The following MYH14 variants were observed in gnomAD, a reference collection of about 807,000 sequenced individuals.
MYH14 encodes myosin heavy chain 14, also known as myosin-14.
A neutral mutation model predicts 255.5 loss-of-function variants in MYH14; 123 were observed. The ratio of observed to expected loss-of-function variants is 0.48; its 90% CI spans 0.42 to 0.56. MYH14 has a LOEUF of 0.56. Ranked by LOEUF, MYH14 falls within the 20% of genes least tolerant of loss-of-function variation. MYH14 has a pLI of 0.00. For missense variants in MYH14, 2,423 were observed against 2,802.3 expected, an observed-to-expected ratio of 0.86 and a Z score of 3.06; for synonymous variants, 1,095 against 1,161.2, an observed-to-expected ratio of 0.94 and a Z score of 1.16.
chr19:50,216,712 C>T (rs2032491677), intron 2 of MYH14, among the ~76,000 whole-genome samples: 1 of 151,580 alleles, frequency 6.6e-6, no homozygotes, highest in Admixed American at 6.6e-5. Flanking sequence ...TCGGTTATTG[C>T]AGATACCACA....
chr19:50,248,212 G>A (rs531465757), intron 12 of MYH14, among the ~76,000 whole-genome samples: 44 of 152,256 alleles, frequency 2.9e-4, no homozygotes, highest in African/African-American at 9.4e-4. Context: ...CAGTAAGGAG[G>A]TGAGTTTTAT....
At chr19:50,226,757 C>G (rs2033126186) in intron 7 of MYH14, 146 bp from the exon 8 acceptor site, 1 of 740,964 alleles carries the variant, frequency 1.3e-6, no homozygotes, top group Non-Finnish European at 2.3e-6. Context: ...GGACTCACCA[C>G]AGGATGGGGT....
rs371750730 is a variant in MYH14, at chr19:50,272,587, G to T, written c.3323G>T (p.Arg1108Leu). The T allele has an allele frequency of 2.5e-6, 4 of 1,579,072 alleles. No individual in the cohort carries two copies. The highest frequency in any genetic ancestry group is 1.2e-5 in the South Asian group (1 of 85,920). Residue 1108 changes from arginine to leucine, a missense_variant, in exon 27 of 43, where the codon CGC (arginine) becomes CTC (leucine). This residue lies in a region of MYH14 where 1,513 missense variants were observed against 1,674.8 expected (regional missense o/e 0.90). Transcript: ENST00000642316. ...EDRLRKEEKG[R>L]QELEKLKRRL... Reference sequence around the variant, plus strand: ...CGCCTACGGAAGGAGGAGAAGGGTCGCCAGGAGCTGGAGAAGCTGAAGCGG... The same window carrying T: ...CGCCTACGGAAGGAGGAGAAGGGTCTCCAGGAGCTGGAGAAGCTGAAGCGG...
chr19:50,260,804 T>G (rs2034808525), intron 20 of MYH14, 89 bp downstream of exon 20: 1 of 985,672 alleles, frequency 1.0e-6, no homozygotes, highest in African/African-American at 1.7e-5. Context: ...TGCATATGTG[T>G]GCATGCGTGT....
rs1018204608 is a variant in MYH14, at chr19:50,309,738, G to A, written c.6059G>A (p.Gly2020Glu). The A allele has an allele frequency of 6.9e-6, 11 of 1,596,736 alleles. No individual in the cohort carries two copies. Among genetic ancestry groups the A allele is most frequent in the Non-Finnish European group, 8.5e-6 (10 of 1,172,158 alleles). ...GAGGAGGCAGAGGAAGCACAGCCTG[G>A]GTCTGGGCCATCCCCGGAGCCTGAG... ...SDEEAEEAQP[G>E]SGPSPEPEGS... The change falls in exon 43 of 43, where the codon GGG (glycine) becomes GAG (glutamate). Residue 2020 changes from glycine (G) to glutamate (E), a missense_variant. By Grantham distance (98) the Gly-to-Glu change is moderately conservative (BLOSUM62 -2). This residue lies in a region of MYH14 where 1,513 missense variants were observed against 1,674.8 expected (regional missense o/e 0.90). Coordinates refer to ENST00000642316, the MANE Select transcript of MYH14 (RefSeq NM_001145809.2).
intron 1 of MYH14, among the ~76,000 whole-genome samples, chr19:50,208,651 C>T (rs2031978028): frequency 6.6e-6 from 1 of 152,092 alleles, no homozygotes. Context: ...GTAACATTTT[C>T]TAGTAGCCAC....
At chr19:50,215,269 C>CGG (rs1478876800) in intron 2 of MYH14, among the ~76,000 whole-genome samples, 5 of 152,108 alleles carry the variant, frequency 3.3e-5, no homozygotes, top group Non-Finnish European at 7.4e-5. Context: ...GAGTGGGGGC[C>CGG]GGGGCGCCGG....
In MYH14 at chr19:50,307,078, G is replaced by A. The variant is rs1032587217; in HGVS notation, c.5708G>A (p.Arg1903His). ...RERILSGKLV[R>H]RAEKRLKEVV... ...CGCATCCTCTCTGGAAAGCTGGTGCGCAGAGCTGAGAAGCGGCTTAAAGAG... is the reference window on the plus strand; with the variant it reads ...CGCATCCTCTCTGGAAAGCTGGTGCACAGAGCTGAGAAGCGGCTTAAAGAG... The change falls in exon 41 of 43, where the codon CGC (arginine) becomes CAC (histidine). Residue 1903 changes from arginine (R) to histidine (H), a missense_variant. By Grantham distance (29) the Arg-to-His change is conservative. This residue lies in a region of MYH14 where 1,513 missense variants were observed against 1,674.8 expected (regional missense o/e 0.90). Coordinates refer to ENST00000642316, the MANE Select transcript of MYH14 (RefSeq NM_001145809.2). 1.3e-5 allele frequency: 20 copies of A among 1,550,948 alleles called. No individual in the cohort carries two copies. Among genetic ancestry groups the A allele is most frequent in the African/African-American group, 4.1e-5 (3 of 73,044 alleles).
In MYH14 at chr19:50,222,479, CAA is replaced by C. The variant is rs542179852; in HGVS notation, c.563-584_563-583del. Reference sequence around the variant, plus strand: ...TGGGCGACAGAGCAAGACTCCGTCTCAAAAAAAAAAAAAAAAAAAAAGAACCA... The same window carrying C: ...TGGGCGACAGAGCAAGACTCCGTCTCAAAAAAAAAAAAAAAAAAAGAACCA... On this transcript the variant is annotated intron_variant, in intron 3 of 42. Transcript: ENST00000642316. 7.7e-3 allele frequency among the ~76,000 whole-genome samples: 535 copies of C among 69,838 alleles called. 4 individuals are homozygous for C. The highest frequency in any genetic ancestry group is 0.049 in the Middle Eastern group (7 of 142). The allele number at this position is 69,838 out of a possible 152,430, so 45.8% of individuals were successfully genotyped here.
intron 39 of MYH14, among the ~76,000 whole-genome samples, chr19:50,295,005 G>GT (rs1195396880): frequency 5.4e-4 from 77 of 143,082 alleles, no homozygotes; most frequent in Non-Finnish European, 5.3e-4. Flanking sequence ...AAGAGATTAA[G>GT]TTTTTTTTTT....
chr19:50,257,912 G>A (rs1369446951), intron 18 of MYH14, among the ~76,000 whole-genome samples: 2 of 152,120 alleles, frequency 1.3e-5, no homozygotes, highest in African/African-American at 4.8e-5. Context: ...TGAAGGATAC[G>A]TGATATTCCA....
rs759824498 is a variant in MYH14 at position 50,290,930 on chromosome 19, G to T, written c.5009G>T (p.Arg1670Leu). The change falls in exon 36 of 43, where the codon CGC (arginine) becomes CTC (leucine). Residue 1670 changes from arginine (R) to leucine (L), a missense_variant. Physicochemically the swap from Arg to Leu is moderately radical, Grantham distance 102 (BLOSUM62 -2). Transcript: ENST00000642316. Reference protein sequence around the residue: ...EVERDEERKQRTLAVAARKKL... With the variant: ...EVERDEERKQLTLAVAARKKL... The stretch of plus-strand genomic sequence containing the variant: ...GAGCGGGATGAGGAGCGGAAGCAGC[G>T]CACTCTGGCCGTGGCTGCCCGCAAG... The T allele has an allele frequency of 1.0e-5, 16 of 1,586,184 alleles. No homozygotes were observed. Among genetic ancestry groups the T allele is most frequent in the Middle Eastern group, 1.9e-4 (1 of 5,154 alleles).
At chr19:50,210,864 C>T in intron 2 of MYH14, 94 bp downstream of exon 2, 1 of 1,503,704 alleles carries the variant, frequency 6.7e-7, no homozygotes, top group Non-Finnish European at 8.8e-7. Context: ...TAACTTGAGG[C>T]TGTTTATCAT....
In MYH14 at chr19:50,255,332, T is replaced by A. The variant is rs895261285; in HGVS notation, c.2044+14T>A. ...CTCCGCCAGGGGGTGGGTGTCTCTG[T>A]GCATCGATGGGTGAGGCTTGCTGGA... On this transcript the variant is annotated intron_variant, in intron 17 of 42. Coordinates refer to ENST00000642316, the MANE Select transcript of MYH14 (RefSeq NM_001145809.2). 2.6e-6 allele frequency: 4 copies of A among 1,544,074 alleles called. No individual in the cohort carries two copies. The highest frequency in any genetic ancestry group is 3.5e-6 in the Non-Finnish European group (4 of 1,141,104).
intron 39 of MYH14, among the ~76,000 whole-genome samples, chr19:50,300,343 A>G (rs2036436935): frequency 6.6e-6 from 1 of 152,210 alleles, no homozygotes. Flanking sequence ...GAACACTCCC[A>G]TAATGTTCTT....
intron 33 of MYH14, 134 bp from the exon 34 acceptor site, chr19:50,286,348 C>T (rs1601026660): frequency 3.4e-6 from 3 of 872,076 alleles, no homozygotes; most frequent in Non-Finnish European, 5.3e-6. Flanking sequence ...CCCTCTACCT[C>T]CCTCTTGTGT....
chr19:50,278,607 G>A (rs1387312191), intron 30 of MYH14, among the ~76,000 whole-genome samples: 3 of 152,050 alleles, frequency 2.0e-5, no homozygotes, highest in African/African-American at 4.8e-5. Flanking sequence ...AGGGGACTGA[G>A]GAAGGAGGAT....
rs574613421 is a variant in MYH14, at chr19:50,229,465, C to T, written c.875-1060C>T. On this transcript the variant is annotated intron_variant, in intron 8 of 42. Transcript: ENST00000642316. ...GAATTCGAGGCCAGTCAGACCTCCT[C>T]TCTACTAAAATAAAGAAAATTTAAA... is the stretch of plus-strand genomic sequence containing the variant. 1.4e-4 allele frequency among the ~76,000 whole-genome samples: 22 copies of T among 152,156 alleles called. No homozygotes were observed. In the South Asian group the frequency reaches 4.6e-3, roughly 32 times the overall value.
chr19:50,250,789 C>T lies in MYH14; in HGVS notation c.1830+101C>T. On this transcript the variant is annotated intron_variant, in intron 15 of 42. Coordinates refer to ENST00000642316, the MANE Select transcript of MYH14 (RefSeq NM_001145809.2). The surrounding 1 kb of genome is among the most constrained non-coding windows in gnomAD (Gnocchi z 5.4). The stretch of plus-strand genomic sequence containing the variant: ...GGTGCAGAGGGAAAACAGGGTCCTC[C>T]TGAGGTCCAGACAAACAGAGCAGGG... 2.4e-6 allele frequency: 3 copies of T among 1,270,622 alleles called. No individual in the cohort carries two copies. Among genetic ancestry groups the T allele is most frequent in the Non-Finnish European group, 3.3e-6 (3 of 915,270 alleles). The allele number at this position is 1,270,622 out of a possible 1,614,324, so 78.7% of individuals were successfully genotyped here.
Sources: gnomAD v4.1 joint callset for allele counts (sites outside exome capture counted in the v4.1 genomes callset) on GRCh38, gnomAD v4.1.1 for gene constraint, gnomAD v4.1.1 regional missense constraint, Gnocchi (gnomAD v3.1) non-coding constraint, MANE v1.5 for transcripts, NCBI Gene and HGNC (gene_info 2026-07-23, HGNC 2026-07-21) for gene names.